CDS2: variants seen among roughly 807,000 people sequenced by gnomAD.
CDS2 encodes the protein CDP-diacylglycerol synthase 2.
CDS2 carries 47 observed loss-of-function variants against 59.0 expected under a neutral mutation model. That is an observed-to-expected ratio of 0.80 (90% confidence interval 0.63 to 1.02). CDS2 has a LOEUF of 1.02. Ranked by LOEUF, CDS2 falls within the 50% of genes least tolerant of loss-of-function variation. The pLI is 0.00. For synonymous variants in CDS2, 207 were observed against 206.4 expected, an observed-to-expected ratio of 1.00 and a Z score of -0.02; for missense variants, 356 against 558.9, an observed-to-expected ratio of 0.64 and a Z score of 3.66.
Position 5,190,716 on chromosome 20 carries a change from G to T in CDS2, c.*482G>T, listed in dbSNP as rs998502811. 1.3e-5 allele frequency: 2 copies of T among 152,074 alleles called. No individual in the cohort carries two copies. Among genetic ancestry groups the T allele is most frequent in the African/African-American group, 4.8e-5 (2 of 41,368 alleles). 9.4% of individuals were successfully genotyped at this position (152,074 alleles called of 1,614,324 possible). A position where few individuals can be genotyped will look rare whatever the true frequency, so the allele number is the denominator to read the frequency against. On this transcript the variant is annotated 3_prime_UTR_variant, in exon 13 of 13. Transcript: ENST00000460006. ...AATCCCTGCTTGGAGCTGCAGAAGG[G>T]TTGCCTTCTGTAGGTCGGAGGAATG...
chr20:5,134,131 C>T (rs2090629772), intron 1 of CDS2, among the ~76,000 whole-genome samples: 1 of 152,170 alleles, frequency 6.6e-6, no homozygotes, highest in Admixed American at 6.5e-5. Context: ...CATTTGTGAG[C>T]ACTTTCCTGG....
chr20:5,190,340 T>TA lies in CDS2; in HGVS notation c.*106_*107insA. 74 of 1,042,712 alleles carry TA rather than the reference T, an allele frequency of 7.1e-5. No homozygotes were observed. The highest frequency in any genetic ancestry group is 3.3e-4 in the Middle Eastern group (1 of 2,998). 64.6% of individuals were successfully genotyped at this position (1,042,712 alleles called of 1,614,324 possible). ...ACAATGACGAGGCTTCAACTCACTG[T>TA]CTTTTTTTTTTTTTTTTGGAGGGTA... On this transcript the variant is annotated 3_prime_UTR_variant, in exon 13 of 13. Coordinates refer to ENST00000460006, the MANE Select transcript of CDS2 (RefSeq NM_003818.4).
rs548786957 is a variant in CDS2, at chr20:5,177,236, G to A, written c.389+491G>A. Among the ~76,000 whole-genome samples, 35 of 152,118 alleles carry A rather than the reference G, an allele frequency of 2.3e-4. No homozygotes were observed. In the South Asian group the frequency reaches 6.9e-3, roughly 30 times the overall value. ...CGTCATATCTCAGCATCCCACTAGA[G>A]TTGTCTGGAAGTTGTTAGGTTCTGC... is the stretch of plus-strand genomic sequence containing the variant. On this transcript the variant is annotated intron_variant, in intron 4 of 12. Coordinates refer to ENST00000460006, the MANE Select transcript of CDS2 (RefSeq NM_003818.4).
At position 5,191,121 on chromosome 20, in the gene CDS2, C is replaced by T. The variant is rs2091111399; in HGVS notation, c.*887C>T. The T allele has an allele frequency of 6.6e-6, 1 of 152,506 alleles. No homozygotes were observed. Among genetic ancestry groups the T allele is most frequent in the Non-Finnish European group, 1.5e-5 (1 of 68,032 alleles). 9.4% of individuals were successfully genotyped at this position (152,506 alleles called of 1,614,324 possible). Reference sequence around the variant, plus strand: ...AGCAGAGGGCTTCTCGTTCATGCACCCTTTGCCTGAACACCCATGTAGCTG... The same window carrying T: ...AGCAGAGGGCTTCTCGTTCATGCACTCTTTGCCTGAACACCCATGTAGCTG... On this transcript the variant is annotated 3_prime_UTR_variant, in exon 13 of 13. Coordinates refer to ENST00000460006, the MANE Select transcript of CDS2 (RefSeq NM_003818.4).
chr20:5,185,703 G>T lies in CDS2; in HGVS notation c.760-55G>T, dbSNP rs528265233. 43 of 1,476,438 alleles carry T rather than the reference G, an allele frequency of 2.9e-5. 1 individual carries two copies. The Admixed American group carries it at 6.9e-4, about 24-fold the overall frequency. 91.5% of individuals were successfully genotyped at this position (1,476,438 alleles called of 1,614,324 possible). ...GGTTCTTAACAAGTAATCATTGTTC[G>T]CAAAGCTATAGTTATCAAAACACCC... is the stretch of plus-strand genomic sequence containing the variant. On this transcript the variant is annotated intron_variant, in intron 8 of 12. Coordinates refer to ENST00000460006, the MANE Select transcript of CDS2 (RefSeq NM_003818.4).
In CDS2 at chr20:5,194,675, G is replaced by A. The variant is rs1413209865; in HGVS notation, c.*4441G>A. ...GACATGCGGATGATTTATGAGAATA[G>A]AGGGGCAGAGTTTGTGAAGTCTAGG... On this transcript the variant is annotated 3_prime_UTR_variant, in exon 13 of 13. Coordinates refer to ENST00000460006, the MANE Select transcript of CDS2 (RefSeq NM_003818.4). 6.6e-6 allele frequency: 1 copy of A among 152,212 alleles called. No individual in the cohort carries two copies. The highest frequency in any genetic ancestry group is 1.5e-5 in the Non-Finnish European group (1 of 68,052). The allele number at this position is 152,212 out of a possible 1,614,324, so 9.4% of individuals were successfully genotyped here.
chr20:5,184,864 T>C lies in CDS2; in HGVS notation c.678T>C (p.Ile226=). 1 of 1,613,586 alleles carries C rather than the reference T, an allele frequency of 6.2e-7. No individual in the cohort carries two copies. Among genetic ancestry groups the C allele is most frequent in the Non-Finnish European group, 8.5e-7 (1 of 1,179,462 alleles). The change falls in exon 8 of 13, where the codon ATT becomes ATC. Residue 226 remains isoleucine, a synonymous_variant. Transcript: ENST00000460006. This position sits in a 1 kb window ranked among gnomAD's most constrained non-coding sequence, Gnocchi z 4.3. ...HNLFEGMIWF[I]VPISCVICND... ...TACTTTGGTTCATTTCTAGGTTCATTGTCCCCATATCTTGTGTGATCTGTA... is the reference window on the plus strand; with the variant it reads ...TACTTTGGTTCATTTCTAGGTTCATCGTCCCCATATCTTGTGTGATCTGTA...
chr20:5,145,822 G>GGT (rs773575866), intron 1 of CDS2, among the ~76,000 whole-genome samples: 30 of 129,246 alleles, frequency 2.3e-4, no homozygotes, highest in African/African-American at 6.9e-4. Flanking sequence ...TGCTTTTTGT[G>GGT]TTTTTTTTTT....
intron 1 of CDS2, among the ~76,000 whole-genome samples, chr20:5,135,393 C>T (rs1424692555): frequency 6.6e-6 from 1 of 152,228 alleles, no homozygotes; most frequent in South Asian, 2.1e-4. Context: ...TTGTTAAGGT[C>T]TCCCAGCCCT....
intron 5 of CDS2, among the ~76,000 whole-genome samples, chr20:5,181,822 GGTAA>G (rs1439403570): frequency 1.3e-5 from 2 of 152,140 alleles, no homozygotes; most frequent in Non-Finnish European, 2.9e-5. Flanking sequence ...ATAACACAAT[GGTAA>G]GTATTTGTGT....
chr20:5,174,541 G>A (rs1009296402), intron 2 of CDS2, among the ~76,000 whole-genome samples: 20 of 152,138 alleles, frequency 1.3e-4, no homozygotes, highest in Admixed American at 5.9e-4. Flanking sequence ...TCGAGACCAT[G>A]GTGAAACCCC....
Position 5,173,636 on chromosome 20 carries a change from G to A in CDS2, c.171G>A (p.Arg57=). 4 of 1,614,114 alleles carry A rather than the reference G, an allele frequency of 2.5e-6. No homozygotes were observed. The highest frequency in any genetic ancestry group is 1.3e-5 in the African/African-American group (1 of 75,042). The part of the protein sequence containing the change: ...SADDTPEVLN[R]ALSNLSSRWK... The stretch of plus-strand genomic sequence containing the variant: ...ATGATACCCCGGAGGTCCTCAATAG[G>A]GCCCTTTCCAACTTGTCTTCAAGGT... Residue 57 remains arginine, a synonymous_variant, in exon 2 of 13, where the codon AGG becomes AGA. Transcript: ENST00000460006.
At position 5,127,056 on chromosome 20, in the gene CDS2, T is replaced by C; in HGVS notation, c.-37T>C. The C allele has an allele frequency of 6.7e-7, 1 of 1,486,448 alleles. No individual in the cohort carries two copies. The highest frequency in any genetic ancestry group is 8.9e-7 in the Non-Finnish European group (1 of 1,117,364). The allele number at this position is 1,486,448 out of a possible 1,614,324, so 92.1% of individuals were successfully genotyped here. ...GAGCTGCCTGCTCCGGCGGCTTCGC[T>C]GCTAGCTCGCGGCGACGTCGGGCCG... On this transcript the variant is annotated 5_prime_UTR_variant, in exon 1 of 13. Transcript: ENST00000460006.
At chr20:5,147,612 C>T (rs1176696368) in intron 1 of CDS2, among the ~76,000 whole-genome samples, 1 of 152,154 alleles carries the variant, frequency 6.6e-6, no homozygotes, top group African/African-American at 2.4e-5. Context: ...CTATGTTGCC[C>T]AGGCTGGTCT....
chr20:5,157,341 C>CA (rs1320748433), intron 1 of CDS2, among the ~76,000 whole-genome samples: 1 of 152,040 alleles, frequency 6.6e-6, no homozygotes, highest in Non-Finnish European at 1.5e-5. Flanking sequence ...TTGGTGGCTC[C>CA]AGGCCAAATG....
chr20:5,170,324 C>G lies in CDS2; in HGVS notation c.58-3199C>G, dbSNP rs954245440. ...GTGGGAAGGAGCATGGGTTCCAGGT[C>G]CCTGCCTGCTTCCAGACCCTCTGTG... On this transcript the variant is annotated intron_variant, in intron 1 of 12. Coordinates refer to ENST00000460006, the MANE Select transcript of CDS2 (RefSeq NM_003818.4). Among the ~76,000 whole-genome samples, 4 of 152,200 alleles carry G rather than the reference C, an allele frequency of 2.6e-5. No homozygotes were observed. In the South Asian group the frequency reaches 8.3e-4, roughly 32 times the overall value.
intron 1 of CDS2, among the ~76,000 whole-genome samples, chr20:5,154,521 G>A (rs1331025549): frequency 6.6e-6 from 1 of 152,208 alleles, no homozygotes; most frequent in Non-Finnish European, 1.5e-5. Flanking sequence ...CATTTCAGGT[G>A]GTAGTGATGT....
rs1004752091 is a variant in CDS2 at position 5,193,331 on chromosome 20, C to G, written c.*3097C>G. On this transcript the variant is annotated 3_prime_UTR_variant, in exon 13 of 13. Coordinates refer to ENST00000460006, the MANE Select transcript of CDS2 (RefSeq NM_003818.4). ...TAATTACTCTTAGTATTGTACAGCC[C>G]TATAATGTATGAGAACTAGTTTCAC... 2 of 152,168 alleles carry G rather than the reference C, an allele frequency of 1.3e-5. No homozygotes were observed. Among genetic ancestry groups the G allele is most frequent in the African/African-American group, 4.8e-5 (2 of 41,430 alleles). 9.4% of individuals were successfully genotyped at this position (152,168 alleles called of 1,614,324 possible).
intron 1 of CDS2, among the ~76,000 whole-genome samples, chr20:5,131,455 G>A (rs1056158140): frequency 6.6e-6 from 1 of 152,248 alleles, no homozygotes; most frequent in Non-Finnish European, 1.5e-5. Flanking sequence ...CAAAGGATGA[G>A]ATATGGTCTG....
Sources: allele counts gnomAD v4.1 joint callset (sites outside exome capture counted in the v4.1 genomes callset), GRCh38; gene constraint gnomAD v4.1.1; non-coding constraint Gnocchi (gnomAD v3.1); transcripts MANE v1.5; gene names NCBI Gene and HGNC (gene_info 2026-07-23, HGNC 2026-07-21).